Variants in RNU6-2 observed in about 807,000 individuals in gnomAD.
RNU6-2 encodes the protein RNA, U6B small nuclear.
At chr19:1,021,532 C>T (rs916588209) in exon 1 of RNU6-2, 2 of 152,238 alleles carry the variant, frequency 1.3e-5, no homozygotes, top group South Asian at 2.1e-4. Context: ...GTGCTCGCTT[C>T]GGCAGCACAT....
chr19:1,021,554 G>A (rs1395754672), exon 1 of RNU6-2: 2 of 152,302 alleles, frequency 1.3e-5, no homozygotes, highest in East Asian at 1.9e-4. Context: ...TACTAAAATT[G>A]GAACGATACA....
exon 1 of RNU6-2, chr19:1,021,586 G>C (rs560781316): frequency 3.3e-5 from 5 of 152,274 alleles, no homozygotes; most frequent in African/African-American, 1.2e-4. Context: ...CATGGCCCCT[G>C]CGCAAGGATG....
exon 1 of RNU6-2, chr19:1,021,613 A>G (rs181257715): frequency 7.2e-5 from 11 of 152,396 alleles, no homozygotes; most frequent in Non-Finnish European, 1.2e-4. Context: ...AAATTCGTGA[A>G]GCGTTCCATA....
At chr19:1,021,555 G>T (rs1489456597) in exon 1 of RNU6-2, 1 of 151,554 alleles carries the variant, frequency 6.6e-6, no homozygotes, top group Admixed American at 6.6e-5. Context: ...ACTAAAATTG[G>T]AACGATACAG....
exon 1 of RNU6-2, chr19:1,021,611 G>A (rs1400444484): frequency 7.2e-5 from 11 of 152,266 alleles, no homozygotes; most frequent in Non-Finnish European, 1.5e-4. Flanking sequence ...GCAAATTCGT[G>A]AAGCGTTCCA....
chr19:1,021,600 C>G (rs986394154), exon 1 of RNU6-2: 4 of 152,306 alleles, frequency 2.6e-5, no homozygotes, highest in African/African-American at 7.2e-5. Flanking sequence ...AAGGATGACA[C>G]GCAAATTCGT....
At chr19:1,021,556 A>C (rs1278697519) in exon 1 of RNU6-2, 1 of 152,268 alleles carries the variant, frequency 6.6e-6, no homozygotes, top group African/African-American at 2.4e-5. Context: ...CTAAAATTGG[A>C]ACGATACAGA....
At chr19:1,021,582 C>A (rs542428277) in exon 1 of RNU6-2, 2 of 152,228 alleles carry the variant, frequency 1.3e-5, no homozygotes, top group Admixed American at 6.5e-5. Flanking sequence ...TTAGCATGGC[C>A]CCTGCGCAAG....
At chr19:1,021,558 C>CT (rs1568412109) in exon 1 of RNU6-2, 1 of 152,272 alleles carries the variant, frequency 6.6e-6, no homozygotes, top group Non-Finnish European at 1.5e-5. Context: ...AAAATTGGAA[C>CT]GATACAGAGA....
At chr19:1,021,545 A>G (rs763807641) in exon 1 of RNU6-2, 2 of 152,262 alleles carry the variant, frequency 1.3e-5, no homozygotes, top group Non-Finnish European at 2.9e-5. Context: ...CAGCACATAT[A>G]CTAAAATTGG....
chr19:1,021,542 T>G (rs1267397455), exon 1 of RNU6-2: 1 of 152,286 alleles, frequency 6.6e-6, no homozygotes, highest in Non-Finnish European at 1.5e-5. Flanking sequence ...CGGCAGCACA[T>G]ATACTAAAAT....
chr19:1,021,572 T>G (rs1035535790), exon 1 of RNU6-2: 2 of 152,220 alleles, frequency 1.3e-5, no homozygotes, highest in African/African-American at 4.8e-5. Flanking sequence ...ACAGAGAAGA[T>G]TAGCATGGCC....
chr19:1,021,592 G>C (rs756930881), exon 1 of RNU6-2: 6 of 152,310 alleles, frequency 3.9e-5, no homozygotes, highest in South Asian at 2.1e-4. Context: ...CCCTGCGCAA[G>C]GATGACACGC....
At chr19:1,021,605 A>C (rs947018324) in exon 1 of RNU6-2, 4 of 152,292 alleles carry the variant, frequency 2.6e-5, no homozygotes, top group African/African-American at 9.7e-5. Context: ...TGACACGCAA[A>C]TTCGTGAAGC....
chr19:1,021,558 C>G (rs753499978), exon 1 of RNU6-2: 2 of 152,272 alleles, frequency 1.3e-5, no homozygotes, highest in Non-Finnish European at 2.9e-5. Context: ...AAAATTGGAA[C>G]GATACAGAGA....
chr19:1,021,543 A>G (rs932261648), exon 1 of RNU6-2: 3 of 152,286 alleles, frequency 2.0e-5, no homozygotes, highest in Admixed American at 6.5e-5. Context: ...GGCAGCACAT[A>G]TACTAAAATT....
chr19:1,021,563 C>G (rs1342119007), exon 1 of RNU6-2: 1 of 152,294 alleles, frequency 6.6e-6, no homozygotes, highest in Non-Finnish European at 1.5e-5. Context: ...TGGAACGATA[C>G]AGAGAAGATT....
exon 1 of RNU6-2, chr19:1,021,553 T>C (rs1171979038): frequency 6.6e-6 from 1 of 152,292 alleles, no homozygotes; most frequent in African/African-American, 2.4e-5. Flanking sequence ...ATACTAAAAT[T>C]GGAACGATAC....
Position 1,021,577 on chromosome 19 carries a change from A to AG in RNU6-2, n.56_57insG, listed in dbSNP as rs1555744479. ...TTGGAACGATACAGAGAAGATTAGC[A>AG]TGGCCCCTGCGCAAGGATGACACGC... On this transcript the variant is annotated non_coding_transcript_exon_variant, in exon 1 of 1. Coordinates refer to ENST00000384627, the Ensembl canonical transcript of RNU6-2. 6.6e-6 allele frequency: 1 copy of AG among 152,172 alleles called. No individual in the cohort carries two copies. The highest frequency in any genetic ancestry group is 1.5e-5 in the Non-Finnish European group (1 of 68,004). The allele number at this position is 152,172 out of a possible 1,614,324, so 9.4% of individuals were successfully genotyped here. A position where few individuals can be genotyped will look rare whatever the true frequency, so the allele number is the denominator to read the frequency against.
Sources: allele counts gnomAD v4.1 joint callset, GRCh38; gene constraint gnomAD v4.1.1; transcripts MANE v1.5; gene names NCBI Gene and HGNC (gene_info 2026-07-23, HGNC 2026-07-21).